Variants in MYT1L observed in about 807,000 individuals in gnomAD.
MYT1L encodes the protein myelin transcription factor 1 like, also known as myelin transcription factor 1-like protein.
In MYT1L, 12 loss-of-function variants were observed where a neutral mutation model predicts 126.7. That is an observed-to-expected ratio of 0.09 (90% CI 0.06 to 0.15). The LOEUF (loss-of-function observed/expected upper bound fraction) is 0.15, where lower values mean the gene tolerates loss of function less well. MYT1L is among the 10% of genes least tolerant of loss of function. The pLI is 1.00. For missense variants in MYT1L, 979 were observed against 1,585.2 expected (o/e 0.62, Z 6.49); for synonymous variants, 541 against 604.2 (o/e 0.90, Z 1.53).
At chr2:2,129,584 C>G (rs569018396) in intron 3 of MYT1L, among the ~76,000 whole-genome samples, 1 of 152,162 alleles carries the variant, frequency 6.6e-6, no homozygotes, top group Non-Finnish European at 1.5e-5. Flanking sequence ...ACCGCAGCCA[C>G]AAACACCAAT....
chr2:2,170,944 G>A (rs921321704), intron 3 of MYT1L, among the ~76,000 whole-genome samples: 1 of 152,194 alleles, frequency 6.6e-6, no homozygotes, highest in African/African-American at 2.4e-5. Context: ...AGATCGACGT[G>A]AAATGCAAGC....
intron 3 of MYT1L, among the ~76,000 whole-genome samples, chr2:2,069,873 T>C (rs2074380970): frequency 6.6e-6 from 1 of 151,582 alleles, no homozygotes; most frequent in South Asian, 2.1e-4. Context: ...ATGTCTTCTT[T>C]TGAAAAGCGT....
chr2:2,028,330 C>T (rs185408568), intron 4 of MYT1L, among the ~76,000 whole-genome samples: 58 of 152,220 alleles, frequency 3.8e-4, no homozygotes, highest in Middle Eastern at 3.4e-3. Context: ...GGGTTCATGC[C>T]CAGGGACCTC....
At chr2:1,957,473 C>G (rs150354247) in intron 8 of MYT1L, among the ~76,000 whole-genome samples, 3 of 151,654 alleles carry the variant, frequency 2.0e-5, no homozygotes, top group African/African-American at 7.3e-5. Context: ...ATTGTTCTTA[C>G]GCCTTTGCGT....
chr2:2,086,139 A>C (rs2076329634), intron 3 of MYT1L, among the ~76,000 whole-genome samples: 1 of 152,104 alleles, frequency 6.6e-6, no homozygotes, highest in Admixed American at 6.5e-5. Flanking sequence ...AGAAGACTGA[A>C]ATTAAGGGAA....
At chr2:1,955,496 G>T (rs1294748932) in intron 8 of MYT1L, among the ~76,000 whole-genome samples, 2 of 152,130 alleles carry the variant, frequency 1.3e-5, no homozygotes, top group Non-Finnish European at 2.9e-5. Context: ...CCTCTCTAGA[G>T]AGATCATTAA....
At chr2:2,238,760 G>T (rs1213611986) in intron 2 of MYT1L, among the ~76,000 whole-genome samples, 1 of 152,248 alleles carries the variant, frequency 6.6e-6, no homozygotes, top group Non-Finnish European at 1.5e-5. Flanking sequence ...TGTAAGTGTA[G>T]TAAATACATC....
At chr2:1,982,314 G>A (rs1399957900) in intron 5 of MYT1L, among the ~76,000 whole-genome samples, 1 of 152,172 alleles carries the variant, frequency 6.6e-6, no homozygotes, top group Non-Finnish European at 1.5e-5. Flanking sequence ...CCCTGCCTTT[G>A]TCACAGGTCT....
chr2:1,802,971 C>A (rs1270782730), intron 22 of MYT1L, among the ~76,000 whole-genome samples: 1 of 152,108 alleles, frequency 6.6e-6, no homozygotes. Context: ...GCTTTGCAGA[C>A]AGAAGGGCAG....
chr2:2,093,657 G>A (rs915295131), intron 3 of MYT1L, among the ~76,000 whole-genome samples: 5 of 152,040 alleles, frequency 3.3e-5, no homozygotes, highest in African/African-American at 1.2e-4. Flanking sequence ...TCACTCTGAT[G>A]GTAGTTTCTT....
chr2:1,922,437 T>A lies in MYT1L; in HGVS notation c.1332A>T (p.Arg444Ser). ...LEKAIALETE[R>S]AKAMREKMAM... ...CCATCTTCTCCCTCATGGCCTTTGC[T>A]CTTTCCGTTTCCAAAGCGATGGCTT... The change falls in exon 10 of 25, where the codon AGA (arginine) becomes AGT (serine). Residue 444 changes from arginine (R) to serine (S), a missense_variant. Arg to Ser is a moderately radical substitution (Grantham distance 110). Coordinates refer to ENST00000647738, the MANE Select transcript of MYT1L (RefSeq NM_001303052.2). This position sits in a 1 kb window ranked among gnomAD's most constrained non-coding sequence, Gnocchi z 7.4. 1 of 1,613,956 alleles carries A rather than the reference T, an allele frequency of 6.2e-7. No homozygotes were observed. The highest frequency in any genetic ancestry group is 8.5e-7 in the Non-Finnish European group (1 of 1,179,902).
In MYT1L at chr2:1,979,102, G is replaced by A; in HGVS notation, c.152+63C>T. On this transcript the variant is annotated intron_variant, in intron 8 of 24. Transcript: ENST00000647738. This position sits in a 1 kb window ranked among gnomAD's most constrained non-coding sequence, Gnocchi z 4.0. ...ACCTGCTCACACAGTTCATCATCAG[G>A]ACTGGGTCCCCAAATAAGTCACTTT... 1.5e-6 allele frequency: 2 copies of A among 1,357,820 alleles called. No individual in the cohort carries two copies. The highest frequency in any genetic ancestry group is 2.5e-5 in the South Asian group (2 of 81,266). The allele number at this position is 1,357,820 out of a possible 1,614,324, so 84.1% of individuals were successfully genotyped here.
In MYT1L at chr2:2,228,006, T is replaced by C. The variant is rs1453715846; in HGVS notation, c.-420-55018A>G. 6.6e-6 allele frequency among the ~76,000 whole-genome samples: 1 copy of C among 152,224 alleles called. No individual in the cohort carries two copies. The highest frequency in any genetic ancestry group is 1.5e-5 in the Non-Finnish European group (1 of 68,040). On this transcript the variant is annotated intron_variant, in intron 2 of 24. Coordinates refer to ENST00000647738, the MANE Select transcript of MYT1L (RefSeq NM_001303052.2). This position sits in a 1 kb window ranked among gnomAD's most constrained non-coding sequence, Gnocchi z 5.9. The stretch of plus-strand genomic sequence containing the variant: ...TCCATCTTGCAGTTGAGAAAATAGA[T>C]ACTCACAGACATTAACTAAATTGCC...
At chr2:2,060,818 C>G (rs2070346038) in intron 3 of MYT1L, among the ~76,000 whole-genome samples, 1 of 149,150 alleles carries the variant, frequency 6.7e-6, no homozygotes, top group Non-Finnish European at 1.5e-5. Flanking sequence ...TTCTCTCTCT[C>G]TCTTTCCCTC....
intron 18 of MYT1L, among the ~76,000 whole-genome samples, chr2:1,868,577 C>G (rs753874545): frequency 3.3e-5 from 5 of 152,182 alleles, no homozygotes; most frequent in African/African-American, 1.2e-4. Flanking sequence ...TCCCCGGCCC[C>G]GAAGGCAGGG....
chr2:2,084,459 TC>T (rs2076159086), intron 3 of MYT1L, among the ~76,000 whole-genome samples: 1 of 152,134 alleles, frequency 6.6e-6, no homozygotes, highest in African/African-American at 2.4e-5. Flanking sequence ...CCCCTGCAGG[TC>T]CTCACCCCAC....
At chr2:1,933,469 A>C (rs2055306813) in intron 9 of MYT1L, among the ~76,000 whole-genome samples, 1 of 152,240 alleles carries the variant, frequency 6.6e-6, no homozygotes, top group Non-Finnish European at 1.5e-5. Flanking sequence ...ACACTGAACA[A>C]AAATTTATTT....
chr2:2,226,071 C>G (rs888441549), intron 2 of MYT1L, among the ~76,000 whole-genome samples: 1 of 152,086 alleles, frequency 6.6e-6, no homozygotes, highest in Non-Finnish European at 1.5e-5. Context: ...CTTTCTGGCA[C>G]CTTTTCTTTC....
chr2:1,963,661 A>G (rs1369138718), intron 8 of MYT1L, among the ~76,000 whole-genome samples: 1 of 152,152 alleles, frequency 6.6e-6, no homozygotes, highest in East Asian at 1.9e-4. Flanking sequence ...TTGCTACTTT[A>G]CCTTGTACTT....
Sources: gnomAD v4.1 joint callset for allele counts (sites outside exome capture counted in the v4.1 genomes callset) on GRCh38, gnomAD v4.1.1 for gene constraint, Gnocchi (gnomAD v3.1) non-coding constraint, MANE v1.5 for transcripts, NCBI Gene and HGNC (gene_info 2026-07-23, HGNC 2026-07-21) for gene names.